Variants in GRIP1 observed in about 807,000 individuals in gnomAD.
GRIP1 encodes the protein glutamate receptor interacting protein 1, also known as glutamate receptor-interacting protein 1.
A neutral mutation model predicts 129.9 loss-of-function variants in GRIP1; 45 were observed. That is an observed-to-expected ratio of 0.35 (90% CI 0.27 to 0.44). The LOEUF (loss-of-function observed/expected upper bound fraction) is 0.44, where lower values mean the gene tolerates loss of function less well. GRIP1 is among the 20% of genes least tolerant of loss of function. GRIP1 has a pLI of 1.00. For missense variants in GRIP1, 1,196 were observed against 1,396.8 expected (o/e 0.86, Z 2.29); for synonymous variants, 530 against 520.8 (o/e 1.02, Z -0.24).
At chr12:66,352,357 A>G (rs1479104008) in intron 24 of GRIP1, among the ~76,000 whole-genome samples, 1 of 152,152 alleles carries the variant, frequency 6.6e-6, no homozygotes, top group Non-Finnish European at 1.5e-5. Flanking sequence ...GAGAAGCGCC[A>G]CAAGCTCAGG....
intron 1 of GRIP1, among the ~76,000 whole-genome samples, chr12:66,668,868 C>T (rs972151674): frequency 9.2e-5 from 14 of 151,908 alleles, no homozygotes; most frequent in Admixed American, 5.2e-4. Context: ...GAGGATTGCT[C>T]GGGCCTGGGA....
chr12:66,604,174 T>C, intron 1 of GRIP1, among the ~76,000 whole-genome samples: 1 of 152,192 alleles, frequency 6.6e-6, no homozygotes, highest in Non-Finnish European at 1.5e-5. Context: ...AGAACTGCGA[T>C]GGCCCCGGAG....
intron 1 of GRIP1, among the ~76,000 whole-genome samples, chr12:67,001,555 T>C (rs1441984723): frequency 1.3e-5 from 2 of 152,198 alleles, no homozygotes; most frequent in African/African-American, 4.8e-5. Flanking sequence ...CAATTAATTA[T>C]CCAAACATAA....
intron 19 of GRIP1, among the ~76,000 whole-genome samples, chr12:66,384,944 G>A (rs2137436400): frequency 6.6e-6 from 1 of 152,296 alleles, no homozygotes; most frequent in South Asian, 2.1e-4. Context: ...GAATATCTGA[G>A]GAAAATTATG....
At chr12:66,787,249 T>C (rs1428686370) in intron 1 of GRIP1, among the ~76,000 whole-genome samples, 2 of 152,174 alleles carry the variant, frequency 1.3e-5, no homozygotes, top group Non-Finnish European at 2.9e-5. Flanking sequence ...CTACTAACAA[T>C]TAAAGGTTAC....
chr12:66,580,587 AAAAAG>A (rs1432620772), intron 2 of GRIP1, among the ~76,000 whole-genome samples: 3 of 149,588 alleles, frequency 2.0e-5, no homozygotes, highest in Non-Finnish European at 4.5e-5. Context: ...TGGAAAACAA[AAAAAG>A]GCAGGGGTTG....
intron 6 of GRIP1, among the ~76,000 whole-genome samples, chr12:66,516,692 T>C (rs568221169): frequency 6.6e-6 from 1 of 152,278 alleles, no homozygotes; most frequent in South Asian, 2.1e-4. Flanking sequence ...TCTAATTTGC[T>C]TCAGGAAGAG....
intron 1 of GRIP1, among the ~76,000 whole-genome samples, chr12:66,977,229 G>T: frequency 6.8e-6 from 1 of 148,030 alleles, no homozygotes; most frequent in African/African-American, 2.5e-5. Context: ...ATCATTTTCT[G>T]CATTTCTTTT....
intron 1 of GRIP1, among the ~76,000 whole-genome samples, chr12:66,895,598 T>C (rs1042515436): frequency 6.6e-6 from 1 of 152,144 alleles, no homozygotes; most frequent in African/African-American, 2.4e-5. Context: ...TACTGAGGTA[T>C]GGGTAATGTT....
intron 1 of GRIP1, among the ~76,000 whole-genome samples, chr12:66,950,129 T>C (rs2041734168): frequency 6.6e-6 from 1 of 152,118 alleles, no homozygotes; most frequent in South Asian, 2.1e-4. Flanking sequence ...TATTCAGAAC[T>C]CCATCAAATA....
intron 7 of GRIP1, among the ~76,000 whole-genome samples, chr12:66,477,609 C>T (rs12817312): frequency 0.36 from 54,571 of 151,874 alleles, 10,286 homozygotes; most frequent in Non-Finnish European, 0.41. Flanking sequence ...GGAGGCATCA[C>T]GCTATCTGAC....
intron 9 of GRIP1, among the ~76,000 whole-genome samples, chr12:66,457,061 TA>T (rs1373148467): frequency 6.6e-6 from 1 of 152,210 alleles, no homozygotes; most frequent in African/African-American, 2.4e-5. Flanking sequence ...AAAATTTTAA[TA>T]AAGTTTATTT....
At chr12:66,923,928 T>C (rs2041253825) in intron 1 of GRIP1, among the ~76,000 whole-genome samples, 1 of 152,148 alleles carries the variant, frequency 6.6e-6, no homozygotes, top group Non-Finnish European at 1.5e-5. Context: ...CACTGCAGCC[T>C]CCGCCTCCCA....
chr12:66,903,246 TTTAA>T (rs1160851675), intron 1 of GRIP1, among the ~76,000 whole-genome samples: 2 of 152,144 alleles, frequency 1.3e-5, no homozygotes, highest in Admixed American at 6.5e-5. Flanking sequence ...TTCTAGTTGT[TTTAA>T]TTATTCATTA....
chr12:66,662,841 T>C (rs774565739), intron 1 of GRIP1, among the ~76,000 whole-genome samples: 2 of 152,150 alleles, frequency 1.3e-5, no homozygotes, highest in Non-Finnish European at 2.9e-5. Flanking sequence ...CCTGATCTCA[T>C]TGAGATGAGG....
chr12:66,374,380 G>A (rs920073465), intron 22 of GRIP1, among the ~76,000 whole-genome samples: 6 of 152,056 alleles, frequency 3.9e-5, no homozygotes, highest in African/African-American at 1.4e-4. Context: ...TAGATATGAG[G>A]TTTCTCCACA....
chr12:66,550,945 C>G lies in GRIP1; in HGVS notation c.137-8995G>C, dbSNP rs1423856988. Among the ~76,000 whole-genome samples the G allele has an allele frequency of 4.6e-5, 7 of 152,234 alleles. No homozygotes were observed. In the East Asian group the frequency reaches 1.4e-3, roughly 29 times the overall value. The stretch of plus-strand genomic sequence containing the variant: ...TCGGAATCACACTTGCTTCAAGAGC[C>G]TCAGGCAGTTTTCCTTTGGAAAAAC... On this transcript the variant is annotated intron_variant, in intron 2 of 24. Transcript: ENST00000359742.
intron 1 of GRIP1, chr12:67,069,017 G>GC: frequency 4.0e-6 from 3 of 753,892 alleles, no homozygotes; most frequent in Non-Finnish European, 4.8e-6. Flanking sequence ...CCGGACCCCT[G>GC]CCCTCCCTCC....
chr12:66,537,579 A>G (rs1468675540), intron 4 of GRIP1, among the ~76,000 whole-genome samples: 1 of 152,046 alleles, frequency 6.6e-6, no homozygotes. Context: ...TTAAAAAAGA[A>G]ATTAATGTAT....
Sources: gnomAD v4.1 joint callset for allele counts (sites outside exome capture counted in the v4.1 genomes callset) on GRCh38, gnomAD v4.1.1 for gene constraint, MANE v1.5 for transcripts, NCBI Gene and HGNC (gene_info 2026-07-23, HGNC 2026-07-21) for gene names.